Variants in ZNF568 observed in about 807,000 individuals in gnomAD.
ZNF568 encodes the protein p53 inhibitor of SCO2 activation.
In ZNF568, 11 loss-of-function variants were observed where a neutral mutation model predicts 18.1. The ratio of observed to expected loss-of-function variants is 0.61; its 90% CI spans 0.38 to 1.00. The LOEUF (loss-of-function observed/expected upper bound fraction) is 1.00. Among genes scored for constraint, ZNF568 ranks in the 50% least tolerant of loss-of-function variants. The probability of loss-of-function intolerance (pLI) is 0.01; values close to 1 mark genes in which losing one functional copy is unlikely to be tolerated. For synonymous variants in ZNF568, 213 were observed against 246.6 expected, an observed-to-expected ratio of 0.86 and a Z score of 1.28; for missense variants, 639 against 768.2, an observed-to-expected ratio of 0.83 and a Z score of 1.99.
At chr19:36,995,541 C>T (rs2074462737) in intron 4 of ZNF568, among the ~76,000 whole-genome samples, 1 of 152,264 alleles carries the variant, frequency 6.6e-6, no homozygotes, top group Non-Finnish European at 1.5e-5. Context: ...ATTTAATACA[C>T]TGATGGGGTA....
chr19:36,988,423 G>A (rs144545223), intron 2 of ZNF568, among the ~76,000 whole-genome samples: 17 of 152,290 alleles, frequency 1.1e-4, no homozygotes, highest in East Asian at 1.9e-4. Flanking sequence ...CATCTGCTCC[G>A]CTTCTGGGGG....
chr19:36,922,304 A>G (rs1370360644), intron 2 of ZNF568, among the ~76,000 whole-genome samples: 1 of 152,106 alleles, frequency 6.6e-6, no homozygotes, highest in Non-Finnish European at 1.5e-5. Context: ...GGGCTGGTTG[A>G]GTGTTGTCAT....
Position 36,949,850 on chromosome 19 carries a change from CATAAAT to C in ZNF568, c.698_703del (p.His233_Phe235delinsLeu), listed in dbSNP as rs1322062323. ...TAATCAGTGTGGACAAGACTTCAGT[CATAAAT>C]TTGACCTCATTAGACATGAGCGAAT... On this transcript the variant is annotated inframe_deletion, in exon 7 of 7. Coordinates refer to ENST00000333987, the MANE Select transcript of ZNF568 (RefSeq NM_198539.4). 2 of 1,613,832 alleles carry C rather than the reference CATAAAT, an allele frequency of 1.2e-6. No individual in the cohort carries two copies. Among genetic ancestry groups the C allele is most frequent in the Non-Finnish European group, 1.7e-6 (2 of 1,179,960 alleles).
At chr19:36,929,410 G>A (rs766076298) in intron 4 of ZNF568, among the ~76,000 whole-genome samples, 12 of 152,142 alleles carry the variant, frequency 7.9e-5, no homozygotes, top group Non-Finnish European at 1.0e-4. Flanking sequence ...GTGTGGCCAG[G>A]CGTGGTGGCT....
rs771493872 is a variant in ZNF568, at chr19:36,936,729, G to A, written c.136-17G>A. ...AATTTTGATGACTTCAAATTAATTA[G>A]CATTATGTTTTTACAGGAAACAGTG... On this transcript the variant is annotated splice_polypyrimidine_tract_variant and intron_variant, in intron 4 of 6. Coordinates refer to ENST00000333987, the MANE Select transcript of ZNF568 (RefSeq NM_198539.4). 1 of 1,607,886 alleles carries A rather than the reference G, an allele frequency of 6.2e-7. No individual in the cohort carries two copies. Among genetic ancestry groups the A allele is most frequent in the South Asian group, 1.1e-5 (1 of 90,530 alleles).
chr19:36,923,513 T>C (rs1271060364), intron 3 of ZNF568, among the ~76,000 whole-genome samples: 2 of 151,738 alleles, frequency 1.3e-5, no homozygotes, highest in Non-Finnish European at 2.9e-5. Flanking sequence ...AGTGAGCATG[T>C]TGGACACCTC....
At chr19:36,995,083 A>G (rs1600864785) in intron 4 of ZNF568, among the ~76,000 whole-genome samples, 1 of 150,884 alleles carries the variant, frequency 6.6e-6, no homozygotes, top group South Asian at 2.1e-4. Flanking sequence ...CATTTCAACT[A>G]TTTGTGTCCT....
chr19:36,946,241 G>C (rs374896021), intron 6 of ZNF568, among the ~76,000 whole-genome samples: 1 of 152,096 alleles, frequency 6.6e-6, no homozygotes, highest in Non-Finnish European at 1.5e-5. Context: ...TTATCAACTT[G>C]ATATAAATAG....
intron 6 of ZNF568, among the ~76,000 whole-genome samples, chr19:36,944,799 T>G (rs2073935992): frequency 6.6e-6 from 1 of 152,262 alleles, no homozygotes; most frequent in African/African-American, 2.4e-5. Context: ...AATTTCAAAT[T>G]AACAGTAATG....
intron 2 of ZNF568, 130 bp from the exon 3 acceptor site, chr19:36,922,451 ACTCAT>A (rs1328953163): frequency 4.3e-4 from 100 of 231,416 alleles, no homozygotes; most frequent in Middle Eastern, 2.8e-3. Flanking sequence ...GGTCAAAGGT[ACTCAT>A]GGTGGGAGGG....
downstream of ZNF568, among the ~76,000 whole-genome samples, chr19:36,984,792 T>C (rs2074361925): frequency 6.6e-6 from 1 of 152,194 alleles, no homozygotes; most frequent in Non-Finnish European, 1.5e-5. Flanking sequence ...TATTAAATAG[T>C]CATCTGTCAA....
intron 6 of ZNF568, among the ~76,000 whole-genome samples, chr19:36,971,571 G>A (rs1369720733): frequency 6.6e-6 from 1 of 151,930 alleles, no homozygotes; most frequent in Non-Finnish European, 1.5e-5. Flanking sequence ...AGATATTATT[G>A]CCCAAGTGCC....
At chr19:36,991,511 T>C (rs578261506) in intron 3 of ZNF568, 69 of 670,828 alleles carry the variant, frequency 1.0e-4, no homozygotes, top group African/African-American at 1.0e-3. Flanking sequence ...ATTATTTTCA[T>C]ACCTCCCTTC....
chr19:36,921,258 T>G (rs1292457428), intron 2 of ZNF568, among the ~76,000 whole-genome samples: 2 of 152,068 alleles, frequency 1.3e-5, no homozygotes, highest in Admixed American at 1.3e-4. Context: ...GGTCAGGAGT[T>G]CAAGAACAGC....
intron 7 of ZNF568, among the ~76,000 whole-genome samples, chr19:36,975,727 C>T (rs1362652139): frequency 8.5e-6 from 1 of 118,254 alleles, no homozygotes; most frequent in African/African-American, 3.4e-5. Context: ...CTCTGTCACT[C>T]AGGCTGGAGT....
chr19:36,997,566 G>T (rs1414735701), downstream of ZNF568: 1 of 1,583,166 alleles, frequency 6.3e-7, no homozygotes, highest in Admixed American at 1.8e-5. Context: ...AGGAGTGTGG[G>T]AAGCCCTTTG....
downstream of ZNF568, chr19:36,997,843 A>T (rs967361769): frequency 4.3e-6 from 2 of 469,972 alleles, no homozygotes; most frequent in Non-Finnish European, 7.6e-6. Context: ...GGATTTATTT[A>T]TGTTTCAGAA....
intron 4 of ZNF568, among the ~76,000 whole-genome samples, chr19:36,993,116 CCTT>C (rs1382654075): frequency 6.6e-6 from 1 of 152,010 alleles, no homozygotes; most frequent in Non-Finnish European, 1.5e-5. Context: ...ATATAGGTTC[CCTT>C]CTTTTCTTCG....
At chr19:36,953,793 C>A (rs1456038128), downstream of ZNF568, among the ~76,000 whole-genome samples, 1 of 152,110 alleles carries the variant, frequency 6.6e-6, no homozygotes, top group Admixed American at 6.6e-5. Context: ...TGCCTGTAAT[C>A]CCAACTACTC....
Sources: allele counts gnomAD v4.1 joint callset (sites outside exome capture counted in the v4.1 genomes callset), GRCh38; gene constraint gnomAD v4.1.1; transcripts MANE v1.5; gene names NCBI Gene and HGNC (gene_info 2026-07-23, HGNC 2026-07-21).